RABGAP1: variants seen among roughly 807,000 people sequenced by gnomAD.
RABGAP1 encodes the protein RAB GTPase activating protein 1, also known as rab GTPase-activating protein 1.
In RABGAP1, 23 loss-of-function variants were observed where a neutral mutation model predicts 137.6. The ratio of observed to expected loss-of-function variants is 0.17; its 90% confidence interval spans 0.12 to 0.24. The LOEUF (loss-of-function observed/expected upper bound fraction) is 0.24, where lower values mean the gene tolerates loss of function less well. Ranked by LOEUF, RABGAP1 falls within the 10% of genes least tolerant of loss-of-function variation. The pLI is 1.00. For synonymous variants in RABGAP1, 451 were observed against 450.7 expected, an observed-to-expected ratio of 1.00 and a Z score of -0.01; for missense variants, 906 against 1,275.8, an observed-to-expected ratio of 0.71 and a Z score of 4.42.
intron 6 of RABGAP1, among the ~76,000 whole-genome samples, chr9:122,992,235 C>T (rs927458835): frequency 1.1e-4 from 16 of 152,002 alleles, no homozygotes; most frequent in African/African-American, 2.4e-5. Flanking sequence ...GACAGGGTTT[C>T]GCCGTGTTGG....
chr9:123,074,485 C>G (rs771076342), intron 17 of RABGAP1, 57 bp downstream of exon 17: 92 of 1,490,678 alleles, frequency 6.2e-5, no homozygotes, highest in Non-Finnish European at 8.1e-5. Context: ...TTGAGGAGAA[C>G]AGATTCTGTT....
chr9:122,961,396 A>T (rs995801215), intron 2 of RABGAP1, among the ~76,000 whole-genome samples: 1 of 152,222 alleles, frequency 6.6e-6, no homozygotes, highest in African/African-American at 2.4e-5. Context: ...AACCAAAAAA[A>T]CTGTTAACCA....
chr9:123,034,442 G>A (rs1285496379), intron 13 of RABGAP1: 3 of 668,724 alleles, frequency 4.5e-6, no homozygotes, highest in African/African-American at 3.6e-5. Flanking sequence ...GGAGCTTGGG[G>A]AGTAAGGCTC....
intron 22 of RABGAP1, 90 bp downstream of exon 22, chr9:123,097,935 A>G: frequency 9.4e-7 from 1 of 1,062,146 alleles, no homozygotes; most frequent in Non-Finnish European, 1.4e-6. Flanking sequence ...TAGAAAACCT[A>G]GAGACATCTG....
At chr9:123,076,339 C>G (rs772835170) in intron 18 of RABGAP1, 53 bp downstream of exon 18, 12 of 1,548,474 alleles carry the variant, frequency 7.7e-6, no homozygotes, top group South Asian at 5.7e-5. Flanking sequence ...TCTGCACTTG[C>G]AATACATTGG....
At chr9:122,962,201 T>A (rs1834890796) in intron 2 of RABGAP1, among the ~76,000 whole-genome samples, 2 of 151,712 alleles carry the variant, frequency 1.3e-5, no homozygotes, top group African/African-American at 4.8e-5. Context: ...TCTGATAAGA[T>A]GTGCATTGTT....
chr9:123,003,481 T>A lies in RABGAP1; in HGVS notation c.1374+4715T>A, dbSNP rs774009524. Among the ~76,000 whole-genome samples the A allele has an allele frequency of 4.7e-4, 72 of 152,234 alleles. 1 individual carries two copies. Among genetic ancestry groups the A allele is most frequent in the Admixed American group, 3.9e-4 (6 of 15,290 alleles). On this transcript the variant is annotated intron_variant, in intron 10 of 25. Coordinates refer to ENST00000373647, the MANE Select transcript of RABGAP1 (RefSeq NM_012197.4). ...AAATTTTAACCATTTTCCGTTCTCC[T>A]TAGACTGAAAAGGAAACAATGCTAC... is the stretch of plus-strand genomic sequence containing the variant.
At chr9:123,009,311 A>G (rs1303071267) in intron 10 of RABGAP1, among the ~76,000 whole-genome samples, 1 of 152,244 alleles carries the variant, frequency 6.6e-6, no homozygotes, top group Non-Finnish European at 1.5e-5. Context: ...GCATGTTGCC[A>G]CTATCGTGGC....
the RABGAP1 span, among the ~76,000 whole-genome samples, chr9:122,934,013 G>A: frequency 6.6e-6 from 1 of 151,714 alleles, no homozygotes. Flanking sequence ...AGCTATCTTT[G>A]GTCTCCCAAA....
At chr9:122,995,856 A>G (rs1456929464) in intron 6 of RABGAP1, among the ~76,000 whole-genome samples, 185 bp from the exon 7 acceptor site, 1 of 152,218 alleles carries the variant, frequency 6.6e-6, no homozygotes, top group Admixed American at 6.5e-5. Context: ...GGTGTAAGCC[A>G]TAGTGCCTAG....
chr9:122,968,707 C>G (rs1261431035), intron 2 of RABGAP1, among the ~76,000 whole-genome samples: 2 of 151,660 alleles, frequency 1.3e-5, no homozygotes, highest in African/African-American at 4.8e-5. Context: ...CTCTGCCTCC[C>G]AGGTTCAAGT....
chr9:122,957,276 A>G, intron 2 of RABGAP1, 67 bp downstream of exon 2: 2 of 1,250,958 alleles, frequency 1.6e-6, no homozygotes, highest in South Asian at 2.5e-5. Flanking sequence ...CTTGGCCTTA[A>G]CAGAAAACAG....
At chr9:123,086,920 G>A (rs1364987454) in intron 19 of RABGAP1, among the ~76,000 whole-genome samples, 2 of 152,150 alleles carry the variant, frequency 1.3e-5, no homozygotes, top group Non-Finnish European at 2.9e-5. Flanking sequence ...GAGAAACCCT[G>A]TATAATTATG....
At chr9:122,976,484 A>G (rs1396548781) in intron 2 of RABGAP1, among the ~76,000 whole-genome samples, 3 of 152,310 alleles carry the variant, frequency 2.0e-5, no homozygotes, top group African/African-American at 7.2e-5. Flanking sequence ...ATGAAAACAG[A>G]TGGTATTTGT....
At chr9:123,099,579 A>T in intron 24 of RABGAP1, 30 bp downstream of exon 24, 3 of 1,548,208 alleles carry the variant, frequency 1.9e-6, no homozygotes, top group Non-Finnish European at 2.7e-6. Context: ...AAAAGATTTT[A>T]TACCACCTAC....
At chr9:122,978,395 A>G (rs947079256) in intron 2 of RABGAP1, among the ~76,000 whole-genome samples, 4 of 152,202 alleles carry the variant, frequency 2.6e-5, no homozygotes, top group Admixed American at 6.5e-5. Context: ...TTATAGATCT[A>G]TAAGAATCTT....
chr9:122,976,271 C>CCCT (rs1835756691), intron 2 of RABGAP1, among the ~76,000 whole-genome samples: 2 of 152,146 alleles, frequency 1.3e-5, no homozygotes, highest in African/African-American at 4.8e-5. Context: ...ATGTAGAGTA[C>CCCT]ATGGAAATAA....
chr9:122,932,332 C>A, the RABGAP1 span, among the ~76,000 whole-genome samples: 1 of 152,100 alleles, frequency 6.6e-6, no homozygotes, highest in South Asian at 2.1e-4. Flanking sequence ...AGTGATCCAC[C>A]CTCCTCAGCC....
chr9:123,035,250 G>A (rs750579463), intron 13 of RABGAP1: 11 of 1,614,070 alleles, frequency 6.8e-6, no homozygotes, highest in Admixed American at 1.7e-5. Flanking sequence ...TCAGCGAAAG[G>A]CAAGCCCGCT....
Sources: gnomAD v4.1 joint callset for allele counts (sites outside exome capture counted in the v4.1 genomes callset) on GRCh38, gnomAD v4.1.1 for gene constraint, MANE v1.5 for transcripts, NCBI Gene and HGNC (gene_info 2026-07-23, HGNC 2026-07-21) for gene names.